ADCY5: variants seen among roughly 807,000 people sequenced by gnomAD.
ADCY5 encodes the protein adenylate cyclase type 5.
In ADCY5, 30 loss-of-function variants were observed where a neutral mutation model predicts 119.7. That is an observed-to-expected ratio of 0.25 (90% CI 0.19 to 0.34). The LOEUF is 0.34. ADCY5 is among the 10% of genes least tolerant of loss of function. The pLI, the probability that ADCY5 is intolerant of heterozygous loss-of-function variation, is 1.00. For missense variants in ADCY5, 1,324 were observed against 1,775.2 expected (o/e 0.75, Z 4.57); for synonymous variants, 753 against 762.2 (o/e 0.99, Z 0.20).
At chr3:123,426,271 CTTTT>C (rs201291170) in intron 1 of ADCY5, among the ~76,000 whole-genome samples, 3 of 146,344 alleles carry the variant, frequency 2.0e-5, no homozygotes, top group African/African-American at 5.0e-5. Context: ...AGCTGACATT[CTTTT>C]TTTTTCTTTT....
In ADCY5 at chr3:123,283,630, A is replaced by C. The variant is rs1175497031; in HGVS notation, c.*978T>G. 6.6e-6 allele frequency: 1 copy of C among 152,272 alleles called. No individual in the cohort carries two copies. The highest frequency in any genetic ancestry group is 1.5e-5 in the Non-Finnish European group (1 of 68,092). The allele number at this position is 152,272 out of a possible 1,614,324, so 9.4% of individuals were successfully genotyped here. ...CTGCCAAATCTGAAATGAGGGAAAC[A>C]CATCCTGTGTGAGACCAGTTCCACA... On this transcript the variant is annotated 3_prime_UTR_variant, in exon 21 of 21. Transcript: ENST00000462833.
rs748505785 is a variant in ADCY5, at chr3:123,283,568, C to T, written c.*1040G>A. 6.6e-6 allele frequency: 1 copy of T among 152,178 alleles called. No homozygotes were observed. The highest frequency in any genetic ancestry group is 1.5e-5 in the Non-Finnish European group (1 of 68,058). The allele number at this position is 152,178 out of a possible 1,614,324, so 9.4% of individuals were successfully genotyped here. On this transcript the variant is annotated 3_prime_UTR_variant, in exon 21 of 21. Transcript: ENST00000462833. ...GAGCATATGGTACCCCAAAAGCACACACCCACTGCTCTGGTGGTACCTTGG... is the reference window on the plus strand; with the variant it reads ...GAGCATATGGTACCCCAAAAGCACATACCCACTGCTCTGGTGGTACCTTGG...
At chr3:123,346,206 G>A (rs1942542804) in intron 3 of ADCY5, among the ~76,000 whole-genome samples, 1 of 152,252 alleles carries the variant, frequency 6.6e-6, no homozygotes, top group Admixed American at 6.5e-5. Context: ...GCAGGGAAAT[G>A]GCACATCTGC....
At chr3:123,331,695 T>C (rs575518213) in intron 4 of ADCY5, among the ~76,000 whole-genome samples, 1 of 152,238 alleles carries the variant, frequency 6.6e-6, no homozygotes. Context: ...TTATGAGCGG[T>C]CCAACTCTGG....
chr3:123,408,351 T>C (rs528105532), intron 1 of ADCY5, among the ~76,000 whole-genome samples: 1 of 151,750 alleles, frequency 6.6e-6, no homozygotes, highest in Non-Finnish European at 1.5e-5. Context: ...TTTTGTTTTT[T>C]TTTTTTTTTT....
At chr3:123,296,904 C>A in intron 16 of ADCY5, 1 of 1,295,412 alleles carries the variant, frequency 7.7e-7, no homozygotes, top group Non-Finnish European at 1.0e-6. Context: ...CACAGAGGCT[C>A]CAGTGACCCC....
intron 1 of ADCY5, among the ~76,000 whole-genome samples, chr3:123,425,461 TTTCA>T (rs1359002454): frequency 6.6e-6 from 1 of 152,194 alleles, no homozygotes; most frequent in Non-Finnish European, 1.5e-5. Context: ...CTGTGGGTGG[TTTCA>T]TTGTGTTCCA....
At chr3:123,416,343 G>T (rs551715651) in intron 1 of ADCY5, 1 of 1,528,604 alleles carries the variant, frequency 6.5e-7, no homozygotes, top group South Asian at 1.2e-5. Context: ...GACATTTATA[G>T]CCAGAACATT....
At chr3:123,369,655 G>C (rs892549733) in intron 1 of ADCY5, among the ~76,000 whole-genome samples, 1 of 152,218 alleles carries the variant, frequency 6.6e-6, no homozygotes, top group Non-Finnish European at 1.5e-5. Flanking sequence ...ATGTGCAAAC[G>C]AGTCTCTTGG....
intron 1 of ADCY5, among the ~76,000 whole-genome samples, chr3:123,427,950 A>T (rs1945446227): frequency 6.6e-6 from 1 of 152,196 alleles, no homozygotes; most frequent in Non-Finnish European, 1.5e-5. Flanking sequence ...GAGAGAACTG[A>T]TAATAACGAA....
intron 16 of ADCY5, 69 bp from the exon 17 acceptor site, chr3:123,296,285 C>G: frequency 6.5e-7 from 1 of 1,529,804 alleles, no homozygotes; most frequent in South Asian, 1.2e-5. Flanking sequence ...GGACCCCACC[C>G]CCACCCACTG....
rs1939041604 is a variant in ADCY5, at chr3:123,289,966, A to G, written c.3328-12T>C. On this transcript the variant is annotated splice_polypyrimidine_tract_variant and intron_variant, in intron 18 of 20. Transcript: ENST00000462833. ...TCCTCGCTGATGATCTGGATGAAGGAGGCCAAACCTGGGTCACCCCAAGCC... is the reference window on the plus strand; with the variant it reads ...TCCTCGCTGATGATCTGGATGAAGGGGGCCAAACCTGGGTCACCCCAAGCC... The G allele has an allele frequency of 6.2e-7, 1 of 1,613,596 alleles. No individual in the cohort carries two copies. The highest frequency in any genetic ancestry group is 8.5e-7 in the Non-Finnish European group (1 of 1,179,694).
chr3:123,319,715 T>TG lies in ADCY5; in HGVS notation c.2214dup (p.Lys739GlnfsTer10), dbSNP rs1559802628. The TG allele has an allele frequency of 6.2e-7, 1 of 1,614,224 alleles. No individual in the cohort carries two copies. Among genetic ancestry groups the TG allele is most frequent in the Non-Finnish European group, 8.5e-7 (1 of 1,180,026 alleles). ...GGCTCCCTGAAGGTCAGGAGGAACTTGCGGACGTGCTCAGACCGAAGCCTA... is the reference window on the plus strand; with the variant it reads ...GGCTCCCTGAAGGTCAGGAGGAACTTGGCGGACGTGCTCAGACCGAAGCCTA... On this transcript the variant is annotated frameshift_variant, in exon 10 of 21. Transcript: ENST00000462833. LOFTEE classifies it high-confidence loss of function.
At chr3:123,404,923 A>G (rs1944863110) in intron 1 of ADCY5, among the ~76,000 whole-genome samples, 1 of 152,234 alleles carries the variant, frequency 6.6e-6, no homozygotes, top group Non-Finnish European at 1.5e-5. Context: ...GGCTCTGAAA[A>G]AGAGACCTCA....
In ADCY5 at chr3:123,401,075, G is replaced by C. The variant is rs1442566729; in HGVS notation, c.1134+46337C>G. Among the ~76,000 whole-genome samples, 3 of 151,956 alleles carry C rather than the reference G, an allele frequency of 2.0e-5. No homozygotes were observed. The East Asian group carries it at 5.8e-4, about 29-fold the overall frequency. ...GGACACACATGTATGTCCACAAAAA[G>C]CTAGAAGATAATTCATTGTAACGCT... On this transcript the variant is annotated intron_variant, in intron 1 of 20. Transcript: ENST00000462833.
intron 1 of ADCY5, among the ~76,000 whole-genome samples, chr3:123,414,305 A>G (rs1945134182): frequency 6.6e-6 from 1 of 152,218 alleles, no homozygotes; most frequent in East Asian, 1.9e-4. Context: ...CTTACTGTGC[A>G]GCTCTGTGGG....
intron 1 of ADCY5, among the ~76,000 whole-genome samples, chr3:123,440,465 C>G (rs549607076): frequency 0.021 from 3,214 of 151,990 alleles, 122 homozygotes; most frequent in African/African-American, 0.072. Context: ...CTAACCACCC[C>G]CCCTTTCTCT....
chr3:123,286,954 A>C lies in ADCY5; in HGVS notation c.3533-145T>G. ...GGCCCAAGGCTGTGCTAAACCCTGCAGCCTCCCGCTACCCTGCTCCTGTCA... is the reference window on the plus strand; with the variant it reads ...GGCCCAAGGCTGTGCTAAACCCTGCCGCCTCCCGCTACCCTGCTCCTGTCA... On this transcript the variant is annotated intron_variant, in intron 19 of 20. Coordinates refer to ENST00000462833, the MANE Select transcript of ADCY5 (RefSeq NM_183357.3). The surrounding 1 kb of genome is among the most constrained non-coding windows in gnomAD (Gnocchi z 4.2). 8.9e-7 allele frequency: 1 copy of C among 1,125,302 alleles called. No individual in the cohort carries two copies. The highest frequency in any genetic ancestry group is 1.2e-6 in the Non-Finnish European group (1 of 825,520). 69.7% of individuals were successfully genotyped at this position (1,125,302 alleles called of 1,614,324 possible).
intron 1 of ADCY5, among the ~76,000 whole-genome samples, chr3:123,392,712 TTCTC>T (rs1020272836): frequency 1.3e-5 from 2 of 152,014 alleles, no homozygotes; most frequent in Non-Finnish European, 2.9e-5. Context: ...TTCTGTCTCT[TTCTC>T]AGTCTCTGCC....
Sources: allele counts gnomAD v4.1 joint callset (sites outside exome capture counted in the v4.1 genomes callset), GRCh38; gene constraint gnomAD v4.1.1; non-coding constraint Gnocchi (gnomAD v3.1); transcripts MANE v1.5; gene names NCBI Gene and HGNC (gene_info 2026-07-23, HGNC 2026-07-21).